Variants in GRIN2D observed in about 807,000 individuals in gnomAD.
The protein encoded by GRIN2D is glutamate ionotropic receptor NMDA type subunit 2D, also known as glutamate receptor ionotropic, NMDA 2D.
In GRIN2D, 37 loss-of-function variants were observed where a neutral mutation model predicts 103.2. The ratio of observed to expected loss-of-function variants is 0.36; its 90% CI spans 0.28 to 0.47. The LOEUF (loss-of-function observed/expected upper bound fraction) is 0.47, where lower values mean the gene tolerates loss of function less well. Ranked by LOEUF, GRIN2D falls within the 20% of genes least tolerant of loss-of-function variation. The pLI is 1.00. For missense variants in GRIN2D, 1,557 were observed against 1,910.6 expected (o/e 0.81, Z 3.45); for synonymous variants, 845 against 885.6 (o/e 0.95, Z 0.81).
intron 4 of GRIN2D, among the ~76,000 whole-genome samples, chr19:48,406,142 T>C (rs1002271011): frequency 3.3e-5 from 5 of 152,218 alleles, no homozygotes; most frequent in African/African-American, 1.2e-4. Flanking sequence ...ACGCCTATTC[T>C]GATTGACTAG....
At position 48,443,907 on chromosome 19, in the gene GRIN2D, G is replaced by A; in HGVS notation, c.3981G>A (p.Ala1327=). 6.9e-7 allele frequency: 1 copy of A among 1,458,424 alleles called. No individual in the cohort carries two copies. Among genetic ancestry groups the A allele is most frequent in the Non-Finnish European group, 9.0e-7 (1 of 1,109,790 alleles). 90.3% of individuals were successfully genotyped at this position (1,458,424 alleles called of 1,614,324 possible). A position where few individuals can be genotyped will look rare whatever the true frequency, so the allele number is the denominator to read the frequency against. Residue 1327 remains alanine (A), a synonymous_variant, in exon 14 of 14, where the codon GCG becomes GCA. Coordinates refer to ENST00000263269, the MANE Select transcript of GRIN2D (RefSeq NM_000836.4). The surrounding 1 kb of genome is among the most constrained non-coding windows in gnomAD (Gnocchi z 8.9). ...ACCTGGGCACCCGCAGGGGCTCGGC[G>A]CACTTCTCTAGCCTCGAGTCCGAGG... ...GGDLGTRRGS[A]HFSSLESEV
chr19:48,423,646 G>T (rs1971050080), intron 11 of GRIN2D, among the ~76,000 whole-genome samples: 1 of 152,096 alleles, frequency 6.6e-6, no homozygotes, highest in African/African-American at 2.4e-5. Flanking sequence ...TTGGTTTACT[G>T]GAGGAACAGC....
Position 48,419,710 on chromosome 19 carries a change from G to T in GRIN2D, c.1987G>T (p.Ala663Ser). 1.2e-6 allele frequency: 2 copies of T among 1,613,628 alleles called. No individual in the cohort carries two copies. Among genetic ancestry groups the T allele is most frequent in the Non-Finnish European group, 8.5e-7 (1 of 1,179,928 alleles). ...CAGCAAAATCATGGTGCTGGTGTGG[G>T]CCTTCTTCGCCGTCATCTTCCTCGC... ...TTSKIMVLVW[A>S]FFAVIFLASY... is the part of the protein sequence containing the mutation. The change falls in exon 10 of 14, where the codon GCC becomes TCC. Residue 663 changes from alanine to serine, a missense_variant. By Grantham distance (99) the Ala-to-Ser change is moderately conservative (BLOSUM62 1). Around this residue, in one of 7 missense-constraint regions of GRIN2D, gnomAD observed 1 missense variants for 19.1 expected, o/e 0.05. Transcript: ENST00000263269.
chr19:48,417,840 G>A (rs1970966084), intron 8 of GRIN2D, among the ~76,000 whole-genome samples: 1 of 152,106 alleles, frequency 6.6e-6, no homozygotes. Flanking sequence ...GAATCACCTG[G>A]TCCTAATCTC....
chr19:48,422,069 G>C, intron 11 of GRIN2D, 124 bp downstream of exon 11: 1 of 855,642 alleles, frequency 1.2e-6, no homozygotes, highest in Non-Finnish European at 1.8e-6. Context: ...GGGTCAGCTT[G>C]GAGGGCGGAG....
rs1252348950 is a variant in GRIN2D, at chr19:48,444,641, C to A, written c.*704C>A. On this transcript the variant is annotated 3_prime_UTR_variant, in exon 14 of 14. Coordinates refer to ENST00000263269, the MANE Select transcript of GRIN2D (RefSeq NM_000836.4). This position sits in a 1 kb window ranked among gnomAD's most constrained non-coding sequence, Gnocchi z 5.5. ...AACGGAAGCCCCGCCTTCCCTTGCA[C>A]CGCGATGAACCCAACCTCCCTGAAG... is the stretch of plus-strand genomic sequence containing the variant. The A allele has an allele frequency of 6.6e-6, 1 of 152,572 alleles. No individual in the cohort carries two copies. The highest frequency in any genetic ancestry group is 2.4e-5 in the African/African-American group (1 of 41,428). 9.5% of individuals were successfully genotyped at this position (152,572 alleles called of 1,614,324 possible). A position where few individuals can be genotyped will look rare whatever the true frequency, so the allele number is the denominator to read the frequency against.
At chr19:48,437,602 A>G (rs1971246555) in intron 11 of GRIN2D, among the ~76,000 whole-genome samples, 1 of 152,120 alleles carries the variant, frequency 6.6e-6, no homozygotes, top group South Asian at 2.1e-4. Flanking sequence ...TTTCTCCAAA[A>G]TGTAACTTGA....
rs112229870 is a variant in GRIN2D, at chr19:48,424,597, CCTAA to C, written c.2252+2656_2252+2659del. ...AAATTACTTTTAATAATATATTTTA[CCTAA>C]CTATGTCCAAAATATTATTTTGACA... On this transcript the variant is annotated intron_variant, in intron 11 of 13. Transcript: ENST00000263269. 3.5e-3 allele frequency among the ~76,000 whole-genome samples: 537 copies of C among 152,228 alleles called. 3 individuals are homozygous for C. Among genetic ancestry groups the C allele is most frequent in the African/African-American group, 0.012 (508 of 41,532 alleles).
chr19:48,441,751 C>G lies in GRIN2D; in HGVS notation c.2253-18C>G, dbSNP rs1209626033. 1 of 1,600,572 alleles carries G rather than the reference C, an allele frequency of 6.2e-7. No homozygotes were observed. Among genetic ancestry groups the G allele is most frequent in the Non-Finnish European group, 8.5e-7 (1 of 1,171,408 alleles). On this transcript the variant is annotated intron_variant, in intron 11 of 13. Transcript: ENST00000263269. Reference sequence around the variant, plus strand: ...TCTAGGTGGGACTGACCCTACCCTCCATTCCCCCTCCCCCCAGGAAGCTGG... The same window carrying G: ...TCTAGGTGGGACTGACCCTACCCTCGATTCCCCCTCCCCCCAGGAAGCTGG...
intron 11 of GRIN2D, among the ~76,000 whole-genome samples, chr19:48,435,927 G>A (rs1971223912): frequency 1.3e-5 from 2 of 152,232 alleles, no homozygotes; most frequent in East Asian, 1.9e-4. Context: ...GGGGATACGC[G>A]CTATGGGTAA....
At chr19:48,396,611 AAGG>A (rs1442495855) in intron 2 of GRIN2D, among the ~76,000 whole-genome samples, 1 of 151,868 alleles carries the variant, frequency 6.6e-6, no homozygotes, top group Admixed American at 6.6e-5. Context: ...GGGCAATGGA[AAGG>A]AGGAGCGAAG....
chr19:48,443,894 G>C lies in GRIN2D; in HGVS notation c.3968G>C (p.Arg1323Pro). The C allele has an allele frequency of 6.8e-7, 1 of 1,461,624 alleles. No individual in the cohort carries two copies. Among genetic ancestry groups the C allele is most frequent in the Non-Finnish European group, 9.0e-7 (1 of 1,112,464 alleles). 90.5% of individuals were successfully genotyped at this position (1,461,624 alleles called of 1,614,324 possible). ...CACCGGGGCGGGGACCTGGGCACCC[G>C]CAGGGGCTCGGCGCACTTCTCTAGC... ...RRHRGGDLGT[R>P]RGSAHFSSLE... The change falls in exon 14 of 14, where the codon CGC becomes CCC. Residue 1323 changes from arginine to proline, a missense_variant. Physicochemically the swap from Arg to Pro is moderately radical, Grantham distance 103 (BLOSUM62 -2). Coordinates refer to ENST00000263269, the MANE Select transcript of GRIN2D (RefSeq NM_000836.4). This position sits in a 1 kb window ranked among gnomAD's most constrained non-coding sequence, Gnocchi z 8.9.
chr19:48,400,155 G>C (rs1383733330), intron 3 of GRIN2D, among the ~76,000 whole-genome samples: 1 of 152,158 alleles, frequency 6.6e-6, no homozygotes, highest in East Asian at 1.9e-4. Flanking sequence ...GCACAGAAGG[G>C]GCCAGTTGTA....
In GRIN2D at chr19:48,442,138, G is replaced by T; in HGVS notation, c.2441-12G>T. ...TACTCATAGCAGGTGACTTTTGACC[G>T]CCCCTCCCTAGATGAGATCGAGATG... On this transcript the variant is annotated splice_polypyrimidine_tract_variant and intron_variant, in intron 12 of 13. Coordinates refer to ENST00000263269, the MANE Select transcript of GRIN2D (RefSeq NM_000836.4). The surrounding 1 kb of genome is among the most constrained non-coding windows in gnomAD (Gnocchi z 7.2). The T allele has an allele frequency of 6.2e-7, 1 of 1,612,212 alleles. No homozygotes were observed. Among genetic ancestry groups the T allele is most frequent in the African/African-American group, 1.3e-5 (1 of 74,992 alleles).
Position 48,443,007 on chromosome 19 carries a change from C to T in GRIN2D, c.3081C>T (p.Phe1027=), listed in dbSNP as rs779553417. ...CCCCCGCCGGCGCCTTCCCCGGCTT[C>T]CCGTCGCCGCCCGCGCCCCCCGCCG... ...AEPPAGAFPG[F]PSPPAPPAAA... is the part of the protein sequence containing the mutation. The change falls in exon 14 of 14, where the codon TTC becomes TTT. Residue 1027 remains phenylalanine, a synonymous_variant. Coordinates refer to ENST00000263269, the MANE Select transcript of GRIN2D (RefSeq NM_000836.4). This position sits in a 1 kb window ranked among gnomAD's most constrained non-coding sequence, Gnocchi z 8.9. 3.7e-5 allele frequency: 40 copies of T among 1,078,690 alleles called. No individual in the cohort carries two copies. The African/African-American group carries it at 4.8e-4, about 13-fold the overall frequency. 66.8% of individuals were successfully genotyped at this position (1,078,690 alleles called of 1,614,324 possible).
intron 11 of GRIN2D, among the ~76,000 whole-genome samples, chr19:48,428,137 A>G (rs1971110109): frequency 6.7e-6 from 1 of 150,182 alleles, no homozygotes; most frequent in African/African-American, 2.5e-5. Flanking sequence ...TCTGGGTTCA[A>G]GTGATTCTCC....
rs151197636 is a variant in GRIN2D, at chr19:48,429,264, C to T, written c.2252+7319C>T. Reference sequence around the variant, plus strand: ...TTTGGGAGTCAAGGTCGCACTCTGTCACCCAGGCTGGAGTGCAGTGGCATA... The same window carrying T: ...TTTGGGAGTCAAGGTCGCACTCTGTTACCCAGGCTGGAGTGCAGTGGCATA... On this transcript the variant is annotated intron_variant, in intron 11 of 13. Coordinates refer to ENST00000263269, the MANE Select transcript of GRIN2D (RefSeq NM_000836.4). Among the ~76,000 whole-genome samples, 3 of 152,242 alleles carry T rather than the reference C, an allele frequency of 2.0e-5. No individual in the cohort carries two copies. In the East Asian group the frequency reaches 5.8e-4, roughly 29 times the overall value.
chr19:48,421,056 T>G lies in GRIN2D; in HGVS notation c.2092-729T>G, dbSNP rs1971016585. On this transcript the variant is annotated intron_variant, in intron 10 of 13. Coordinates refer to ENST00000263269, the MANE Select transcript of GRIN2D (RefSeq NM_000836.4). This position sits in a 1 kb window ranked among gnomAD's most constrained non-coding sequence, Gnocchi z 4.8. ...GGCTTGAGAAATCAGTTTGATGGGT[T>G]GCAATAAGCATTTTTTAATGGAATG... Among the ~76,000 whole-genome samples the G allele has an allele frequency of 6.6e-6, 1 of 152,208 alleles. No individual in the cohort carries two copies. The highest frequency in any genetic ancestry group is 2.4e-5 in the African/African-American group (1 of 41,454).
chr19:48,412,283 C>G (rs1432430871), intron 4 of GRIN2D, among the ~76,000 whole-genome samples: 1 of 150,384 alleles, frequency 6.6e-6, no homozygotes, highest in East Asian at 2.0e-4. Context: ...GAGCCAAGAT[C>G]GCACCACTAC....
Sources: allele counts gnomAD v4.1 joint callset (sites outside exome capture counted in the v4.1 genomes callset), GRCh38; gene constraint gnomAD v4.1.1; regional missense constraint gnomAD v4.1.1; non-coding constraint Gnocchi (gnomAD v3.1); transcripts MANE v1.5; gene names NCBI Gene and HGNC (gene_info 2026-07-23, HGNC 2026-07-21).